The following PBX1 variants were observed in gnomAD, a reference collection of about 807,000 sequenced individuals.
PBX1 encodes PBX homeobox 1.
A neutral mutation model predicts 53.4 loss-of-function variants in PBX1; 6 were observed. The ratio of observed to expected loss-of-function variants is 0.11; its 90% CI spans 0.06 to 0.22. PBX1 has a LOEUF of 0.22. Among genes scored for constraint, PBX1 ranks in the 10% least tolerant of loss-of-function variants. PBX1 has a pLI of 1.00. For missense variants in PBX1, 251 were observed against 551.4 expected, an observed-to-expected ratio of 0.46 and a Z score of 5.46; for synonymous variants, 204 against 212.3, an observed-to-expected ratio of 0.96 and a Z score of 0.34.
intron 2 of PBX1, among the ~76,000 whole-genome samples, chr1:164,718,669 T>C (rs138610437): frequency 6.6e-6 from 1 of 152,276 alleles, no homozygotes; most frequent in East Asian, 1.9e-4. Context: ...CCTCTACCGC[T>C]TCGTAAAATC....
rs535736543 is a variant in PBX1 at position 164,565,576 on chromosome 1, T to C, written c.265+2265T>C. Among the ~76,000 whole-genome samples, 3 of 152,170 alleles carry C rather than the reference T, an allele frequency of 2.0e-5. No homozygotes were observed. In the East Asian group the frequency reaches 5.8e-4, roughly 30 times the overall value. ...GAAGGCAAAAACCTCTCCTGGAATG[T>C]TGAGTGTTGTGTTAAAGGTAGGAGT... On this transcript the variant is annotated intron_variant, in intron 2 of 8. Transcript: ENST00000420696.
intron 3 of PBX1, 63 bp downstream of exon 3, chr1:164,792,801 C>A (rs1668586300): frequency 1.6e-6 from 2 of 1,273,804 alleles, no homozygotes; most frequent in East Asian, 2.4e-5. Context: ...GGAAGCACAA[C>A]CCCGGGGCTT....
chr1:164,697,585 A>T (rs1243073342), intron 2 of PBX1, among the ~76,000 whole-genome samples: 2 of 152,252 alleles, frequency 1.3e-5, no homozygotes, highest in East Asian at 3.8e-4. Flanking sequence ...ATACACAGGA[A>T]GTCTCAATGT....
Position 164,819,608 on chromosome 1 carries a change from G to T in PBX1, c.998-464G>T, listed in dbSNP as rs576268024. 5.2e-5 allele frequency: 8 copies of T among 153,136 alleles called. No homozygotes were observed. In the South Asian group the frequency reaches 1.7e-3, roughly 32 times the overall value. The allele number at this position is 153,136 out of a possible 1,614,324, so 9.5% of individuals were successfully genotyped here. On this transcript the variant is annotated intron_variant, in intron 6 of 8. Coordinates refer to ENST00000420696, the MANE Select transcript of PBX1 (RefSeq NM_002585.4). ...AGGTGCTGCTCCTCACAGGGGAGGG[G>T]ATGGTTTAGCAATGACATATTTAGA...
intron 2 of PBX1, among the ~76,000 whole-genome samples, chr1:164,572,750 A>G (rs1254362150): frequency 6.6e-6 from 1 of 152,226 alleles, no homozygotes; most frequent in East Asian, 1.9e-4. Context: ...GATGTAAAGC[A>G]CATAGTTCAA....
intron 8 of PBX1, among the ~76,000 whole-genome samples, chr1:164,846,254 G>C (rs907330083): frequency 2.0e-5 from 3 of 152,152 alleles, no homozygotes; most frequent in Non-Finnish European, 4.4e-5. Flanking sequence ...TGTTGCCAGA[G>C]CCAGAACCAA....
chr1:164,680,988 G>C (rs1661733635), intron 2 of PBX1, among the ~76,000 whole-genome samples: 1 of 152,138 alleles, frequency 6.6e-6, no homozygotes, highest in Admixed American at 6.5e-5. Context: ...TCCTGGCCAG[G>C]AATGGTGGCT....
chr1:164,817,933 G>C (rs1455632665), intron 6 of PBX1: 1 of 152,202 alleles, frequency 6.6e-6, no homozygotes, highest in Non-Finnish European at 1.5e-5. Flanking sequence ...GACTCTCTGG[G>C]TGATGAGACA....
chr1:164,646,581 G>A (rs1014977101), intron 2 of PBX1, among the ~76,000 whole-genome samples: 2 of 152,070 alleles, frequency 1.3e-5, no homozygotes, highest in Admixed American at 1.3e-4. Flanking sequence ...GTTTCTGAAT[G>A]CAAAAAAGAC....
At chr1:164,694,289 A>C (rs933363681) in intron 2 of PBX1, among the ~76,000 whole-genome samples, 1 of 152,048 alleles carries the variant, frequency 6.6e-6, no homozygotes, top group Non-Finnish European at 1.5e-5. Context: ...AGTTAACTTC[A>C]ATGTTGCCTC....
chr1:164,671,638 C>T (rs970093244), intron 2 of PBX1, among the ~76,000 whole-genome samples: 1 of 152,092 alleles, frequency 6.6e-6, no homozygotes, highest in African/African-American at 2.4e-5. Context: ...CTCTCCTCCT[C>T]ATAAGTCTAG....
intron 2 of PBX1, among the ~76,000 whole-genome samples, chr1:164,602,107 T>C (rs184110625): frequency 6.6e-6 from 1 of 152,256 alleles, no homozygotes; most frequent in Non-Finnish European, 1.5e-5. Flanking sequence ...CCAGGACTCC[T>C]GTGTTTTGGC....
At chr1:164,707,418 T>TGTGTGAGAGA (rs58617739) in intron 2 of PBX1, among the ~76,000 whole-genome samples, 37 of 118,204 alleles carry the variant, frequency 3.1e-4, no homozygotes, top group African/African-American at 5.4e-4. Context: ...TGTGTGTGTG[T>TGTGTGAGAGA]GAGAGAGAGA....
At chr1:164,645,794 G>A (rs1659420597) in intron 2 of PBX1, among the ~76,000 whole-genome samples, 1 of 152,240 alleles carries the variant, frequency 6.6e-6, no homozygotes, top group Admixed American at 6.5e-5. Flanking sequence ...ACACTAAGGT[G>A]ATGTGACCGT....
intron 2 of PBX1, among the ~76,000 whole-genome samples, chr1:164,784,854 T>G (rs911874553): frequency 1.3e-5 from 2 of 152,082 alleles, no homozygotes; most frequent in African/African-American, 4.8e-5. Context: ...TACTAAATCC[T>G]TCAAATCCCT....
intron 2 of PBX1, among the ~76,000 whole-genome samples, chr1:164,591,781 A>G (rs1571288355): frequency 6.6e-6 from 1 of 152,292 alleles, no homozygotes; most frequent in Admixed American, 6.5e-5. Context: ...AGAGAAATGG[A>G]GAGATCCATG....
chr1:164,839,922 C>T (rs757304132), intron 8 of PBX1, among the ~76,000 whole-genome samples: 5 of 151,564 alleles, frequency 3.3e-5, no homozygotes, highest in Non-Finnish European at 7.4e-5. Flanking sequence ...GAGAGGATAC[C>T]CTGGCAGTCA....
chr1:164,721,446 T>G (rs753457347), intron 2 of PBX1, among the ~76,000 whole-genome samples: 1 of 152,086 alleles, frequency 6.6e-6, no homozygotes, highest in Non-Finnish European at 1.5e-5. Flanking sequence ...TGTGTGTGTG[T>G]GTGTATTTTC....
intron 2 of PBX1, among the ~76,000 whole-genome samples, chr1:164,750,594 G>T (rs1666156849): frequency 6.6e-6 from 1 of 152,226 alleles, no homozygotes; most frequent in African/African-American, 2.4e-5. Context: ...GGCTGGTCCA[G>T]CTGCCCTTGG....
Sources: allele counts gnomAD v4.1 joint callset (sites outside exome capture counted in the v4.1 genomes callset), GRCh38; gene constraint gnomAD v4.1.1; transcripts MANE v1.5; gene names NCBI Gene and HGNC (gene_info 2026-07-23, HGNC 2026-07-21).